The following LRP1B variants were observed in gnomAD, a reference collection of about 807,000 sequenced individuals.
The protein encoded by LRP1B is low-density lipoprotein receptor-related protein 1B.
In LRP1B, 217 loss-of-function variants were observed where a neutral mutation model predicts 556.6. The ratio of observed to expected loss-of-function variants is 0.39; its 90% CI spans 0.35 to 0.44. The LOEUF (loss-of-function observed/expected upper bound fraction) is 0.44. Ranked by LOEUF, LRP1B falls within the 20% of genes least tolerant of loss-of-function variation. The probability of loss-of-function intolerance (pLI) is 1.00; values close to 1 mark genes in which losing one functional copy is unlikely to be tolerated. For missense variants in LRP1B, 5,053 were observed against 5,620.8 expected, an observed-to-expected ratio of 0.90 and a Z score of 3.23; for synonymous variants, 2,047 against 1,865.8, an observed-to-expected ratio of 1.10 and a Z score of -2.50.
At chr2:140,833,031 G>T (rs898036197) in intron 31 of LRP1B, among the ~76,000 whole-genome samples, 2 of 152,136 alleles carry the variant, frequency 1.3e-5, no homozygotes, top group Admixed American at 1.3e-4. Context: ...GTTAGAAAAA[G>T]ATTGTCCCAA....
chr2:141,053,746 C>A (rs553103347), intron 10 of LRP1B, among the ~76,000 whole-genome samples: 3 of 151,982 alleles, frequency 2.0e-5, no homozygotes, highest in East Asian at 1.9e-4. Flanking sequence ...ACATTAGGGA[C>A]AATTGAATAA....
chr2:141,705,115 C>T (rs868395901), intron 2 of LRP1B, among the ~76,000 whole-genome samples: 10 of 152,048 alleles, frequency 6.6e-5, no homozygotes, highest in African/African-American at 2.2e-4. Flanking sequence ...CATTATTAAC[C>T]TCATTTACTG....
intron 2 of LRP1B, among the ~76,000 whole-genome samples, chr2:141,544,337 C>CTTCTTCTT (rs1559131156): frequency 9.2e-4 from 62 of 67,224 alleles, no homozygotes; most frequent in Admixed American, 9.5e-4. Flanking sequence ...TCTTCTTCTT[C>CTTCTTCTT]TTCTTCTTCT....
At chr2:141,641,298 G>A (rs555197378) in intron 2 of LRP1B, among the ~76,000 whole-genome samples, 1 of 152,068 alleles carries the variant, frequency 6.6e-6, no homozygotes, top group South Asian at 2.1e-4. Flanking sequence ...TTAAACATAT[G>A]CATTCAAACA....
Position 141,084,865 on chromosome 2 carries a change from G to A in LRP1B, c.1014-22592C>T, listed in dbSNP as rs926469650. 3.3e-5 allele frequency among the ~76,000 whole-genome samples: 5 copies of A among 151,972 alleles called. No homozygotes were observed. The East Asian group carries it at 5.8e-4, about 18-fold the overall frequency. On this transcript the variant is annotated intron_variant, in intron 7 of 90. Coordinates refer to ENST00000389484, the MANE Select transcript of LRP1B (RefSeq NM_018557.3). ...GGGGTTTCACCGTGTTAGCCAGGAT[G>A]GTCTCGATCTCCTGACCTCGTGATC...
chr2:141,054,789 G>A (rs1264272816), intron 10 of LRP1B, among the ~76,000 whole-genome samples: 1 of 151,920 alleles, frequency 6.6e-6, no homozygotes, highest in Admixed American at 6.6e-5. Context: ...GTTCAAATAA[G>A]AGGAAATCTG....
chr2:141,593,370 G>A (rs1403159495), intron 2 of LRP1B, among the ~76,000 whole-genome samples: 1 of 152,108 alleles, frequency 6.6e-6, no homozygotes, highest in East Asian at 1.9e-4. Context: ...CAAGAAATGT[G>A]TTTATTCTTC....
chr2:140,738,666 T>C (rs1417163154), intron 35 of LRP1B, among the ~76,000 whole-genome samples: 1 of 152,156 alleles, frequency 6.6e-6, no homozygotes, highest in East Asian at 1.9e-4. Context: ...TGCTAAAATT[T>C]CCTTCCCTTT....
chr2:140,311,482 C>A (rs1444117818), intron 83 of LRP1B, among the ~76,000 whole-genome samples: 1 of 151,612 alleles, frequency 6.6e-6, no homozygotes, highest in South Asian at 2.1e-4. Flanking sequence ...CATGTGTACA[C>A]GTAGACATGT....
chr2:140,248,693 T>C (rs550514848), intron 86 of LRP1B, among the ~76,000 whole-genome samples: 1 of 151,770 alleles, frequency 6.6e-6, no homozygotes, highest in South Asian at 2.1e-4. Context: ...TAATTTGTGG[T>C]ATTTGCAGAT....
chr2:141,782,339 T>G (rs1695281710), intron 2 of LRP1B, among the ~76,000 whole-genome samples: 4 of 152,176 alleles, frequency 2.6e-5, no homozygotes, highest in Non-Finnish European at 5.9e-5. Flanking sequence ...TACCACAGAT[T>G]CATTCCCAAT....
intron 3 of LRP1B, among the ~76,000 whole-genome samples, chr2:141,344,072 T>G (rs1688161925): frequency 6.6e-6 from 1 of 152,174 alleles, no homozygotes; most frequent in South Asian, 2.1e-4. Context: ...AACATTGCCC[T>G]TTATTACCCA....
At position 141,058,218 on chromosome 2, in the gene LRP1B, A is replaced by G. The variant is rs996053692; in HGVS notation, c.1408+665T>C. Among the ~76,000 whole-genome samples, 28 of 151,904 alleles carry G rather than the reference A, an allele frequency of 1.8e-4. 1 individual carries two copies. Among genetic ancestry groups the G allele is most frequent in the African/African-American group, 6.8e-4 (28 of 41,410 alleles). ...GTTGTAAACATATTTGTGACAATGT[A>G]CAGCCGTGATTAGATATATGTTAAT... is the stretch of plus-strand genomic sequence containing the variant. On this transcript the variant is annotated intron_variant, in intron 9 of 90. Transcript: ENST00000389484.
At chr2:141,140,506 G>A (rs1574116708) in intron 7 of LRP1B, among the ~76,000 whole-genome samples, 1 of 152,190 alleles carries the variant, frequency 6.6e-6, no homozygotes, top group South Asian at 2.1e-4. Flanking sequence ...GAAGTAATTA[G>A]GGTTAAATGA....
intron 43 of LRP1B, among the ~76,000 whole-genome samples, chr2:140,589,972 A>G (rs942260083): frequency 6.6e-6 from 1 of 152,128 alleles, no homozygotes; most frequent in Admixed American, 6.6e-5. Context: ...AGATTGTACT[A>G]TACTTTTCCA....
chr2:140,950,986 A>T (rs1457382418), intron 19 of LRP1B, among the ~76,000 whole-genome samples: 1 of 152,156 alleles, frequency 6.6e-6, no homozygotes, highest in Admixed American at 6.5e-5. Context: ...TTTGAAGCTT[A>T]ATTTCTGTTC....
intron 21 of LRP1B, among the ~76,000 whole-genome samples, chr2:140,916,580 T>C (rs1251709255): frequency 1.3e-5 from 2 of 152,180 alleles, no homozygotes; most frequent in African/African-American, 4.8e-5. Flanking sequence ...CTAATAACAC[T>C]ACTCTGGAAC....
chr2:140,971,707 G>T (rs190074367), intron 18 of LRP1B, among the ~76,000 whole-genome samples: 1 of 152,078 alleles, frequency 6.6e-6, no homozygotes, highest in Non-Finnish European at 1.5e-5. Context: ...GGTGGCGGGC[G>T]CCTGTAGTCC....
chr2:140,233,035 A>AT lies in LRP1B; in HGVS notation c.*150dup. ...GTCAATCAATAGTCATCAGCAAAAA[A>AT]TAAAACCCAAAAAACTCAGAAAACA... On this transcript the variant is annotated 3_prime_UTR_variant, in exon 91 of 91. Transcript: ENST00000389484. The AT allele has an allele frequency of 2.0e-6, 1 of 503,596 alleles. No individual in the cohort carries two copies. The highest frequency in any genetic ancestry group is 3.3e-6 in the Non-Finnish European group (1 of 304,266). 31.2% of individuals were successfully genotyped at this position (503,596 alleles called of 1,614,324 possible). A position where few individuals can be genotyped will look rare whatever the true frequency, so the allele number is the denominator to read the frequency against.
Sources: allele counts gnomAD v4.1 joint callset (sites outside exome capture counted in the v4.1 genomes callset), GRCh38; gene constraint gnomAD v4.1.1; transcripts MANE v1.5; gene names NCBI Gene and HGNC (gene_info 2026-07-23, HGNC 2026-07-21).